PAPPA2: variants seen among roughly 807,000 people sequenced by gnomAD.
The protein encoded by PAPPA2 is pappalysin 2, also known as pappalysin-2.
A neutral mutation model predicts 176.4 loss-of-function variants in PAPPA2; 86 were observed. The observed-to-expected ratio is 0.49, with a 90% CI of 0.41 to 0.58. The LOEUF (loss-of-function observed/expected upper bound fraction) is 0.58, where lower values mean the gene tolerates loss of function less well. PAPPA2 is among the 20% of genes least tolerant of loss of function. The probability of loss-of-function intolerance (pLI) is 0.00; values close to 1 mark genes in which losing one functional copy is unlikely to be tolerated. For synonymous variants in PAPPA2, 809 were observed against 852.2 expected, an observed-to-expected ratio of 0.95 and a Z score of 0.88; for missense variants, 2,073 against 2,256.9, an observed-to-expected ratio of 0.92 and a Z score of 1.65.
intron 21 of PAPPA2, among the ~76,000 whole-genome samples, chr1:176,830,541 A>G (rs558124467): frequency 6.6e-6 from 1 of 152,208 alleles, no homozygotes; most frequent in Non-Finnish European, 1.5e-5. Flanking sequence ...CTTAATACAC[A>G]GTTGGTTGGC....
intron 14 of PAPPA2, among the ~76,000 whole-genome samples, chr1:176,764,786 T>C (rs185341868): frequency 3.1e-3 from 477 of 152,194 alleles, no homozygotes; most frequent in Non-Finnish European, 5.0e-3. Flanking sequence ...TTAGTAGAGA[T>C]GGGGTTTCAC....
At chr1:176,738,101 G>A (rs1662502080) in intron 12 of PAPPA2, among the ~76,000 whole-genome samples, 1 of 152,150 alleles carries the variant, frequency 6.6e-6, no homozygotes, top group Non-Finnish European at 1.5e-5. Context: ...TGCTGGAGCT[G>A]AGGGCATTGA....
At chr1:176,822,081 A>T (rs1666687125) in intron 21 of PAPPA2, among the ~76,000 whole-genome samples, 1 of 152,220 alleles carries the variant, frequency 6.6e-6, no homozygotes, top group African/African-American at 2.4e-5. Flanking sequence ...GTGGAGCAGA[A>T]ATAAATAACT....
At position 176,725,790 on chromosome 1, in the gene PAPPA2, C is replaced by CT. The variant is rs199619399; in HGVS notation, c.3798+13817dup. ...CTGAAATATGTCAGAGTTTTCTTTT[C>CT]TTTTTTTTGAGACGGAGTCTCGCTC... On this transcript the variant is annotated intron_variant, in intron 12 of 22. Transcript: ENST00000367662. Among the ~76,000 whole-genome samples, 393 of 152,042 alleles carry CT rather than the reference C, an allele frequency of 2.6e-3. 3 individuals are homozygous for CT. Among genetic ancestry groups the CT allele is most frequent in the African/African-American group, 9.0e-3 (374 of 41,490 alleles).
At chr1:176,747,540 GA>G (rs1352221281) in intron 14 of PAPPA2, among the ~76,000 whole-genome samples, 1 of 151,878 alleles carries the variant, frequency 6.6e-6, no homozygotes, top group Non-Finnish European at 1.5e-5. Context: ...TCTTAGAGAA[GA>G]AAAAAAATCT....
chr1:176,766,578 T>G (rs1026982394), intron 15 of PAPPA2, among the ~76,000 whole-genome samples: 1 of 152,228 alleles, frequency 6.6e-6, no homozygotes, highest in Non-Finnish European at 1.5e-5. Context: ...ATTGAGTTAT[T>G]ATGATGGCTG....
intron 12 of PAPPA2, among the ~76,000 whole-genome samples, chr1:176,737,878 A>G (rs1384690514): frequency 6.6e-6 from 1 of 152,116 alleles, no homozygotes; most frequent in Admixed American, 6.6e-5. Context: ...TTGGGATCCA[A>G]CAGAAGGTGG....
chr1:176,830,643 G>T (rs1186034669), intron 21 of PAPPA2, among the ~76,000 whole-genome samples: 1 of 152,232 alleles, frequency 6.6e-6, no homozygotes, highest in East Asian at 1.9e-4. Flanking sequence ...ATGTCATGCA[G>T]TAAGACTGTA....
intron 3 of PAPPA2, among the ~76,000 whole-genome samples, chr1:176,639,346 T>A (rs141816162): frequency 6.6e-6 from 1 of 152,252 alleles, no homozygotes; most frequent in Non-Finnish European, 1.5e-5. Flanking sequence ...GGCCTGTTGC[T>A]TTAACCTATG....
intron 12 of PAPPA2, among the ~76,000 whole-genome samples, chr1:176,734,688 G>T (rs542498949): frequency 6.6e-6 from 1 of 151,946 alleles, no homozygotes; most frequent in East Asian, 1.9e-4. Flanking sequence ...ACTCTTCCTC[G>T]ACAAAATTTC....
chr1:176,528,509 G>T (rs1398283600), intron 1 of PAPPA2, among the ~76,000 whole-genome samples: 2 of 152,170 alleles, frequency 1.3e-5, no homozygotes, highest in Admixed American at 6.5e-5. Context: ...AGGTGTGTCT[G>T]GCCCAAATGT....
intron 21 of PAPPA2, among the ~76,000 whole-genome samples, chr1:176,802,198 G>A (rs1489079315): frequency 6.6e-6 from 1 of 152,106 alleles, no homozygotes; most frequent in African/African-American, 2.4e-5. Flanking sequence ...CCGAGAGTTT[G>A]TTGTGCAGCA....
chr1:176,799,417 C>T (rs1169657152), intron 20 of PAPPA2, among the ~76,000 whole-genome samples: 1 of 152,146 alleles, frequency 6.6e-6, no homozygotes, highest in Non-Finnish European at 1.5e-5. Flanking sequence ...CTCCCACCAG[C>T]TTGATGTTGG....
At chr1:176,626,690 G>A (rs1419719603) in intron 3 of PAPPA2, among the ~76,000 whole-genome samples, 2 of 152,184 alleles carry the variant, frequency 1.3e-5, no homozygotes, top group African/African-American at 4.8e-5. Flanking sequence ...GGTCAAAAGG[G>A]AGTGCATTTG....
chr1:176,691,010 C>T (rs1660098412), intron 5 of PAPPA2: 2 of 985,022 alleles, frequency 2.0e-6, no homozygotes, highest in African/African-American at 1.7e-5. Context: ...AAGGTGACAT[C>T]TAATTTTAAA....
chr1:176,588,794 G>T (rs550002925), intron 2 of PAPPA2, among the ~76,000 whole-genome samples: 1 of 152,180 alleles, frequency 6.6e-6, no homozygotes, highest in East Asian at 1.9e-4. Context: ...CTAGCCAGGG[G>T]TGTGGGCATA....
chr1:176,690,108 T>C, intron 4 of PAPPA2, 29 bp from the exon 5 acceptor site: 1 of 1,567,870 alleles, frequency 6.4e-7, no homozygotes, highest in Non-Finnish European at 8.7e-7. Context: ...TTCTGTGCTC[T>C]GAAAGGCTTT....
chr1:176,711,051 A>C (rs547884313), intron 11 of PAPPA2, among the ~76,000 whole-genome samples: 36 of 152,270 alleles, frequency 2.4e-4, no homozygotes, highest in African/African-American at 8.4e-4. Flanking sequence ...TATTGGGAAA[A>C]TAATAGCTTT....
rs1024874317 is a variant in PAPPA2 at position 176,595,339 on chromosome 1, C to T, written c.1735C>T (p.His579Tyr). The T allele has an allele frequency of 1.2e-6, 2 of 1,614,104 alleles. No individual in the cohort carries two copies. Among genetic ancestry groups the T allele is most frequent in the African/African-American group, 2.7e-5 (2 of 74,932 alleles). Reference protein sequence around the residue: ...VHQVHNSTLRHRVVLVNCEPS... With the variant: ...VHQVHNSTLRYRVVLVNCEPS... ...CCAGGTCCACAATTCCACCCTGCGA[C>T]ACCGGGTTGTGCTTGTGAACTGTGA... is the stretch of plus-strand genomic sequence containing the variant. The change falls in exon 3 of 23, where the codon CAC becomes TAC. Residue 579 changes from histidine (H) to tyrosine (Y), a missense_variant. Coordinates refer to ENST00000367662, the MANE Select transcript of PAPPA2 (RefSeq NM_020318.3).
Sources: allele counts gnomAD v4.1 joint callset (sites outside exome capture counted in the v4.1 genomes callset), GRCh38; gene constraint gnomAD v4.1.1; transcripts MANE v1.5; gene names NCBI Gene and HGNC (gene_info 2026-07-23, HGNC 2026-07-21).